AK2: variants seen among roughly 807,000 people sequenced by gnomAD.
AK2 encodes the protein adenylate kinase 2.
Under a neutral mutation model 24.6 loss-of-function variants are expected in AK2, and 15 were observed. The ratio of observed to expected loss-of-function variants is 0.61; its 90% CI spans 0.41 to 0.94. The LOEUF (loss-of-function observed/expected upper bound fraction) is 0.94, where lower values mean the gene tolerates loss of function less well. Ranked by LOEUF, AK2 falls within the 40% of genes least tolerant of loss-of-function variation. AK2 has a pLI of 0.00. For missense variants in AK2, 257 were observed against 304.1 expected, an observed-to-expected ratio of 0.85 and a Z score of 1.15; for synonymous variants, 102 against 114.0, an observed-to-expected ratio of 0.90 and a Z score of 0.67.
rs1340301113 is a variant in AK2 at position 33,012,042 on chromosome 1, C to T, written c.*1139G>A. The T allele has an allele frequency of 1.3e-6, 2 of 1,535,286 alleles. No individual in the cohort carries two copies. Among genetic ancestry groups the T allele is most frequent in the Non-Finnish European group, 1.7e-6 (2 of 1,146,670 alleles). On this transcript the variant is annotated 3_prime_UTR_variant, in exon 6 of 6. Coordinates refer to ENST00000672715, the MANE Select transcript of AK2 (RefSeq NM_001625.4). ...TTTTGTTCACACTTGGAAACACAGG[C>T]AAACATTAAAAATAAAAGCAAATAA...
chr1:33,024,488 G>A lies in AK2; in HGVS notation c.173C>T (p.Ser58Leu), dbSNP rs768495242. ...TGCCTTCAGCTTTTTTCCTAGCTCTGAGCCAGAAGCCACCATGGCCCTCAG... is the reference window on the plus strand; with the variant it reads ...TGCCTTCAGCTTTTTTCCTAGCTCTAAGCCAGAAGCCACCATGGCCCTCAG... Reference protein sequence around the residue: ...DMLRAMVASGSELGKKLKATM... With the variant: ...DMLRAMVASGLELGKKLKATM... Residue 58 changes from serine to leucine, a missense_variant, in exon 2 of 6, where the codon TCA becomes TTA. By Grantham distance (145) the Ser-to-Leu change is moderately radical. Coordinates refer to ENST00000672715, the MANE Select transcript of AK2 (RefSeq NM_001625.4). The A allele has an allele frequency of 1.2e-6, 2 of 1,614,148 alleles. No individual in the cohort carries two copies. The highest frequency in any genetic ancestry group is 8.5e-7 in the Non-Finnish European group (1 of 1,180,034).
chr1:33,011,409 C>T lies in AK2; in HGVS notation c.*1772G>A, dbSNP rs1270604168. On this transcript the variant is annotated 3_prime_UTR_variant, in exon 6 of 6. Coordinates refer to ENST00000672715, the MANE Select transcript of AK2 (RefSeq NM_001625.4). ...AAGAGTGGGTGGAGTTGGTTTAGAG[C>T]CAGGAAAACAAGGCAGGACAGAGGC... 1 of 1,287,322 alleles carries T rather than the reference C, an allele frequency of 7.8e-7. No individual in the cohort carries two copies. Among genetic ancestry groups the T allele is most frequent in the Admixed American group, 2.3e-5 (1 of 43,552 alleles). 79.7% of individuals were successfully genotyped at this position (1,287,322 alleles called of 1,614,324 possible).
rs986530923 is a variant in AK2, at chr1:33,010,264, C to T, written c.*2917G>A. On this transcript the variant is annotated 3_prime_UTR_variant, in exon 6 of 6. Coordinates refer to ENST00000672715, the MANE Select transcript of AK2 (RefSeq NM_001625.4). ...CTCCCTTTCCATTTCATTCCCTTCC[C>T]CCTCCCCTTGATTCCAGTTTGCTTG... 1.1e-5 allele frequency: 5 copies of T among 454,632 alleles called. No individual in the cohort carries two copies. The highest frequency in any genetic ancestry group is 6.8e-4 in the Middle Eastern group (1 of 1,470). The allele number at this position is 454,632 out of a possible 1,614,324, so 28.2% of individuals were successfully genotyped here.
intron 1 of AK2, among the ~76,000 whole-genome samples, chr1:33,030,582 C>A (rs1212247737): frequency 5.3e-5 from 8 of 152,152 alleles, no homozygotes; most frequent in African/African-American, 1.9e-4. Flanking sequence ...CCCAACTACC[C>A]CTTCTTCCGC....
intron 4 of AK2, among the ~76,000 whole-genome samples, chr1:33,015,089 A>C (rs898243278): frequency 2.0e-5 from 3 of 152,244 alleles, no homozygotes; most frequent in African/African-American, 7.2e-5. Context: ...TGGGGGACAG[A>C]GGACAAAGAA....
At chr1:33,024,397 T>G in intron 2 of AK2, 45 bp downstream of exon 2, 1 of 1,611,980 alleles carries the variant, frequency 6.2e-7, no homozygotes, top group South Asian at 1.1e-5. Flanking sequence ...AGTGCAGATC[T>G]AGATTCTGAG....
intron 1 of AK2, among the ~76,000 whole-genome samples, chr1:33,027,271 A>G (rs1048465691): frequency 1.3e-5 from 2 of 152,212 alleles, no homozygotes; most frequent in Admixed American, 1.3e-4. Context: ...AACCTGGGTA[A>G]ACAATTTGGA....
rs1638787913 is a variant in AK2 at position 33,011,010 on chromosome 1, A to C, written c.*2171T>G. 1 of 985,300 alleles carries C rather than the reference A, an allele frequency of 1.0e-6. No individual in the cohort carries two copies. The highest frequency in any genetic ancestry group is 6.1e-5 in the Admixed American group (1 of 16,264). 61.0% of individuals were successfully genotyped at this position (985,300 alleles called of 1,614,324 possible). A position where few individuals can be genotyped will look rare whatever the true frequency, so the allele number is the denominator to read the frequency against. ...AACTCTGGAATTAAATGAAGCAAAA[A>C]CAGAATCCTAACCATACTGAGAAGG... On this transcript the variant is annotated 3_prime_UTR_variant, in exon 6 of 6. Coordinates refer to ENST00000672715, the MANE Select transcript of AK2 (RefSeq NM_001625.4).
At position 33,027,777 on chromosome 1, in the gene AK2, A is replaced by C. The variant is rs570229059; in HGVS notation, c.94-3210T>G. Among the ~76,000 whole-genome samples, 15 of 152,156 alleles carry C rather than the reference A, an allele frequency of 9.9e-5. No homozygotes were observed. The South Asian group carries it at 2.9e-3, about 30-fold the overall frequency. The stretch of plus-strand genomic sequence containing the variant: ...AAAAAAAAAAAAAGAAAAAGAAAAA[A>C]AGAAAACGAATTCCTTCATTTCCTG... On this transcript the variant is annotated intron_variant, in intron 1 of 5. Coordinates refer to ENST00000672715, the MANE Select transcript of AK2 (RefSeq NM_001625.4).
At chr1:33,028,504 G>GAA (rs1188182797) in intron 1 of AK2, among the ~76,000 whole-genome samples, 6 of 129,750 alleles carry the variant, frequency 4.6e-5, no homozygotes, top group Non-Finnish European at 5.1e-5. Context: ...TCCGTCTCAA[G>GAA]AAAAAAAAAA....
intron 1 of AK2, chr1:33,031,513 T>C (rs188310557): frequency 6.6e-6 from 3 of 452,698 alleles, no homozygotes; most frequent in African/African-American, 6.0e-5. Flanking sequence ...TACACCCTCC[T>C]GACATGCACA....
chr1:33,021,566 T>C (rs1639557073), intron 3 of AK2, 27 bp downstream of exon 3: 2 of 1,609,242 alleles, frequency 1.2e-6, no homozygotes, highest in East Asian at 2.2e-5. Flanking sequence ...TTTCATGCAG[T>C]AGTAATATAA....
rs1557601511 is a variant in AK2, at chr1:33,008,289, GT to G, written c.*4891del. 1 of 454,024 alleles carries G rather than the reference GT, an allele frequency of 2.2e-6. No individual in the cohort carries two copies. Among genetic ancestry groups the G allele is most frequent in the Non-Finnish European group, 4.4e-6 (1 of 226,748 alleles). 28.1% of individuals were successfully genotyped at this position (454,024 alleles called of 1,614,324 possible). A position where few individuals can be genotyped will look rare whatever the true frequency, so the allele number is the denominator to read the frequency against. On this transcript the variant is annotated 3_prime_UTR_variant, in exon 6 of 6. Coordinates refer to ENST00000672715, the MANE Select transcript of AK2 (RefSeq NM_001625.4). ...GATGAGGTGAGATAACTTGTCCAAGGTCGCATGGTGAAGTCGCTGTTGAAAT... is the reference window on the plus strand; with the variant it reads ...GATGAGGTGAGATAACTTGTCCAAGGCGCATGGTGAAGTCGCTGTTGAAAT...
intron 4 of AK2, among the ~76,000 whole-genome samples, chr1:33,018,138 C>T (rs533709209): frequency 1.1e-4 from 16 of 152,070 alleles, no homozygotes; most frequent in African/African-American, 2.7e-4. Flanking sequence ...AAGATAATAC[C>T]GGAGAGCCAA....
At chr1:33,029,573 CG>C (rs1640115209) in intron 1 of AK2, 1 of 151,880 alleles carries the variant, frequency 6.6e-6, no homozygotes, top group African/African-American at 2.4e-5. Context: ...GTACCATGCC[CG>C]GCTAATTATT....
At position 33,030,121 on chromosome 1, in the gene AK2, A is replaced by C. The variant is rs573287538; in HGVS notation, c.94-5554T>G. 3.9e-3 allele frequency among the ~76,000 whole-genome samples: 587 copies of C among 152,370 alleles called. 5 individuals are homozygous for C. The highest frequency in any genetic ancestry group is 0.013 in the African/African-American group (554 of 41,592). On this transcript the variant is annotated intron_variant, in intron 1 of 5. Transcript: ENST00000672715. Reference sequence around the variant, plus strand: ...GTTTACGTCCTGCACCACTGCAGACAAACTGCTCTTACGCATGGTTCCCAA... The same window carrying C: ...GTTTACGTCCTGCACCACTGCAGACCAACTGCTCTTACGCATGGTTCCCAA...
intron 1 of AK2, among the ~76,000 whole-genome samples, chr1:33,030,597 G>A (rs1640178018): frequency 6.6e-6 from 1 of 152,138 alleles, no homozygotes; most frequent in African/African-American, 2.4e-5. Flanking sequence ...TTCCGCTGAG[G>A]ATTCATATTA....
intron 2 of AK2, among the ~76,000 whole-genome samples, chr1:33,022,274 A>G (rs1285633674): frequency 1.3e-5 from 2 of 152,206 alleles, no homozygotes; most frequent in African/African-American, 4.8e-5. Flanking sequence ...GACATGAGGA[A>G]ACAGAGAAGT....
intron 4 of AK2, among the ~76,000 whole-genome samples, chr1:33,016,606 G>C (rs1332501241): frequency 6.6e-6 from 1 of 151,806 alleles, no homozygotes; most frequent in East Asian, 1.9e-4. Context: ...AAACTACTGG[G>C]CTCAAGTGAC....
Sources: gnomAD v4.1 joint callset for allele counts (sites outside exome capture counted in the v4.1 genomes callset) on GRCh38, gnomAD v4.1.1 for gene constraint, MANE v1.5 for transcripts, NCBI Gene and HGNC (gene_info 2026-07-23, HGNC 2026-07-21) for gene names.